Variants in CHD7 observed in about 807,000 individuals in gnomAD.
CHD7 encodes the protein chromodomain helicase DNA binding protein 7, also known as ATP-dependent chromatin remodeler CHD7.
A neutral mutation model predicts 307.3 loss-of-function variants in CHD7; 24 were observed. That is an observed-to-expected ratio of 0.08 (90% confidence interval 0.06 to 0.11). CHD7 has a LOEUF of 0.11. Among genes scored for constraint, CHD7 ranks in the 10% least tolerant of loss-of-function variants. The pLI, the probability that CHD7 is intolerant of heterozygous loss-of-function variation, is 1.00. For synonymous variants in CHD7, 1,363 were observed against 1,349.9 expected, an observed-to-expected ratio of 1.01 and a Z score of -0.21; for missense variants, 3,106 against 3,727.1, an observed-to-expected ratio of 0.83 and a Z score of 4.34.
intron 6 of CHD7, among the ~76,000 whole-genome samples, chr8:60,807,476 C>T (rs1812592105): frequency 1.3e-5 from 2 of 152,224 alleles, no homozygotes; most frequent in African/African-American, 4.8e-5. Context: ...TCTGCATACA[C>T]TACAGCAGAT....
chr8:60,845,460 T>C, intron 23 of CHD7, 51 bp downstream of exon 23: 2 of 1,569,702 alleles, frequency 1.3e-6, no homozygotes, highest in South Asian at 1.1e-5. Context: ...TTTTATTCTT[T>C]AAAAAATACA....
chr8:60,744,836 C>T (rs1047262899), intron 2 of CHD7, among the ~76,000 whole-genome samples: 9 of 147,298 alleles, frequency 6.1e-5, no homozygotes, highest in African/African-American at 2.0e-4. Context: ...GCCTGGGCAA[C>T]AGAGCGAGAC....
rs1400194138 is a variant in CHD7, at chr8:60,866,645, TGA to T, written c.*717_*718del. 1.3e-5 allele frequency: 2 copies of T among 152,336 alleles called. No individual in the cohort carries two copies. The highest frequency in any genetic ancestry group is 1.9e-4 in the East Asian group (1 of 5,184). The allele number at this position is 152,336 out of a possible 1,614,324, so 9.4% of individuals were successfully genotyped here. On this transcript the variant is annotated 3_prime_UTR_variant, in exon 38 of 38. Transcript: ENST00000423902. ...AATAAATAGATGAATAAATAAAGAG[TGA>T]GAGAAGAGAGAATCAGGTACCTTTT...
intron 2 of CHD7, 149 bp downstream of exon 2, chr8:60,743,246 T>A: frequency 1.4e-6 from 1 of 732,800 alleles, no homozygotes; most frequent in East Asian, 2.7e-5. Context: ...GCATTTATTT[T>A]ATTCAGGCAT....
At chr8:60,795,781 A>G (rs1278233368) in intron 4 of CHD7, among the ~76,000 whole-genome samples, 1 of 152,182 alleles carries the variant, frequency 6.6e-6, no homozygotes, top group Admixed American at 6.5e-5. Context: ...TTGGACTGAG[A>G]AGGACCCTTA....
chr8:60,693,757 A>G (rs920958338), intron 1 of CHD7, among the ~76,000 whole-genome samples: 6 of 152,242 alleles, frequency 3.9e-5, no homozygotes, highest in Non-Finnish European at 8.8e-5. Context: ...GGGTTAGCCT[A>G]GTGCTTTTGT....
Position 60,836,279 on chromosome 8 carries a change from A to C in CHD7, c.3985A>C (p.Arg1329=). The C allele has an allele frequency of 6.2e-7, 1 of 1,613,328 alleles. No homozygotes were observed. The highest frequency in any genetic ancestry group is 8.5e-7 in the Non-Finnish European group (1 of 1,179,372). Residue 1329 remains arginine (R), a synonymous_variant, in exon 16 of 38, where the codon AGA becomes CGA. Coordinates refer to ENST00000423902, the MANE Select transcript of CHD7 (RefSeq NM_017780.4). ...LDILEDYLIQ[R]RYPYERIDGR... ...CATACTGGAAGACTACCTCATTCAA[A>C]GACGGTGAGGACCACCATATCAGAA...
chr8:60,724,657 C>G (rs1808080449), intron 1 of CHD7, among the ~76,000 whole-genome samples: 1 of 152,154 alleles, frequency 6.6e-6, no homozygotes, highest in Non-Finnish European at 1.5e-5. Context: ...CTCCTTTTTT[C>G]TGCATGCCTT....
At chr8:60,692,118 G>A (rs565505578) in intron 1 of CHD7, among the ~76,000 whole-genome samples, 5 of 152,248 alleles carry the variant, frequency 3.3e-5, no homozygotes, top group Admixed American at 3.3e-4. Context: ...AAATGGCAAG[G>A]AATATGCTTG....
At chr8:60,811,833 T>G (rs991473959) in intron 7 of CHD7, among the ~76,000 whole-genome samples, 1 of 152,242 alleles carries the variant, frequency 6.6e-6, no homozygotes, top group Non-Finnish European at 1.5e-5. Context: ...CCACAACCTT[T>G]CTAATATAGT....
intron 14 of CHD7, among the ~76,000 whole-genome samples, chr8:60,829,750 T>G (rs993728077): frequency 3.9e-5 from 6 of 152,240 alleles, no homozygotes; most frequent in Admixed American, 1.3e-4. Flanking sequence ...TCCACTGACT[T>G]ACTGTCTAAA....
At position 60,801,612 on chromosome 8, in the gene CHD7, A is replaced by G. The variant is rs751900577; in HGVS notation, c.2442+19A>G. 2.6e-6 allele frequency: 4 copies of G among 1,541,284 alleles called. No homozygotes were observed. The highest frequency in any genetic ancestry group is 3.5e-6 in the Non-Finnish European group (4 of 1,132,786). On this transcript the variant is annotated intron_variant, in intron 6 of 37. Coordinates refer to ENST00000423902, the MANE Select transcript of CHD7 (RefSeq NM_017780.4). The stretch of plus-strand genomic sequence containing the variant: ...AAAGCAGGTGAGTGCCATTGGAGCC[A>G]TTAAAATCTGTGAGGTGTATGTGAC...
chr8:60,794,845 A>G, intron 3 of CHD7, 141 bp from the exon 4 acceptor site: 1 of 659,640 alleles, frequency 1.5e-6, no homozygotes, highest in Non-Finnish European at 2.4e-6. Context: ...CTTAATTGGG[A>G]GTTGCATTTA....
Position 60,741,389 on chromosome 8 carries a change from A to C in CHD7, c.-44A>C, listed in dbSNP as rs1400381399. 4 of 1,429,342 alleles carry C rather than the reference A, an allele frequency of 2.8e-6. No individual in the cohort carries two copies. The highest frequency in any genetic ancestry group is 3.8e-6 in the Non-Finnish European group (4 of 1,043,008). The allele number at this position is 1,429,342 out of a possible 1,614,324, so 88.5% of individuals were successfully genotyped here. A position where few individuals can be genotyped will look rare whatever the true frequency, so the allele number is the denominator to read the frequency against. On this transcript the variant is annotated 5_prime_UTR_variant, in exon 2 of 38. Transcript: ENST00000423902. ...CACCTCAGTGAAGTGAAGCACAGGCAAGCTCCTGAGCTGTGGTTTGGAGGA... is the reference window on the plus strand; with the variant it reads ...CACCTCAGTGAAGTGAAGCACAGGCCAGCTCCTGAGCTGTGGTTTGGAGGA...
intron 2 of CHD7, among the ~76,000 whole-genome samples, chr8:60,768,596 A>G (rs1374234321): frequency 6.6e-6 from 1 of 152,204 alleles, no homozygotes; most frequent in African/African-American, 2.4e-5. Flanking sequence ...TTCGTTCTGC[A>G]TGTTGTTTCC....
intron 1 of CHD7, among the ~76,000 whole-genome samples, chr8:60,711,658 A>C (rs561117048): frequency 6.6e-6 from 1 of 152,250 alleles, no homozygotes; most frequent in Admixed American, 6.5e-5. Context: ...GATTTGGAAG[A>C]TGTCAAGTAC....
chr8:60,835,089 T>C (rs975855424), intron 15 of CHD7, among the ~76,000 whole-genome samples: 2 of 152,224 alleles, frequency 1.3e-5, no homozygotes, highest in African/African-American at 4.8e-5. Flanking sequence ...TCCTCCACCT[T>C]CAGGGAAAAG....
At chr8:60,714,406 G>GGGGGGGGGGGCC in intron 1 of CHD7, among the ~76,000 whole-genome samples, 1 of 17,626 alleles carries the variant, frequency 5.7e-5, no homozygotes, top group South Asian at 2.4e-3. Context: ...CCGGGAGAAG[G>GGGGGGGGGGGCC]CCCCCCCCCC....
chr8:60,852,786 C>G lies in CHD7; in HGVS notation c.6104-43C>G, dbSNP rs754096525. 23 of 1,608,232 alleles carry G rather than the reference C, an allele frequency of 1.4e-5. No homozygotes were observed. The South Asian group carries it at 1.5e-4, about 11-fold the overall frequency. ...AAGAAAGTGTACAATGTAGAATGCC[C>G]TTGAATTCTCCCCAAGTAAATATGA... On this transcript the variant is annotated intron_variant, in intron 30 of 37. Coordinates refer to ENST00000423902, the MANE Select transcript of CHD7 (RefSeq NM_017780.4).
Sources: gnomAD v4.1 joint callset for allele counts (sites outside exome capture counted in the v4.1 genomes callset) on GRCh38, gnomAD v4.1.1 for gene constraint, MANE v1.5 for transcripts, NCBI Gene and HGNC (gene_info 2026-07-23, HGNC 2026-07-21) for gene names.